Variants in MYO1D observed in about 807,000 individuals in gnomAD.
The protein encoded by MYO1D is myosin ID.
Under a neutral mutation model 122.0 loss-of-function variants are expected in MYO1D, and 83 were observed. That is an observed-to-expected ratio of 0.68 (90% CI 0.57 to 0.82). The LOEUF (loss-of-function observed/expected upper bound fraction) is 0.82, where lower values mean the gene tolerates loss of function less well. Ranked by LOEUF, MYO1D falls within the 40% of genes least tolerant of loss-of-function variation. The probability of loss-of-function intolerance (pLI) is 0.00; values close to 1 mark genes in which losing one functional copy is unlikely to be tolerated. For synonymous variants in MYO1D, 464 were observed against 446.9 expected, an observed-to-expected ratio of 1.04 and a Z score of -0.48; for missense variants, 1,157 against 1,269.5, an observed-to-expected ratio of 0.91 and a Z score of 1.35.
chr17:32,738,705 A>G (rs750562142), intron 13 of MYO1D, among the ~76,000 whole-genome samples: 2 of 152,226 alleles, frequency 1.3e-5, no homozygotes, highest in African/African-American at 2.4e-5. Context: ...TATATAAAAC[A>G]AATTCATTTT....
chr17:32,620,481 C>T (rs1311558172), intron 20 of MYO1D, among the ~76,000 whole-genome samples: 2 of 152,094 alleles, frequency 1.3e-5, no homozygotes, highest in East Asian at 3.9e-4. Context: ...GCTGGTGTTT[C>T]TGGATGGCGG....
intron 15 of MYO1D, among the ~76,000 whole-genome samples, chr17:32,713,693 T>A (rs1404249578): frequency 6.6e-6 from 1 of 152,160 alleles, no homozygotes; most frequent in Non-Finnish European, 1.5e-5. Flanking sequence ...AGTGGTGCGA[T>A]CTCAGCTCAC....
chr17:32,527,807 A>T (rs1378833998), intron 21 of MYO1D, among the ~76,000 whole-genome samples: 1 of 151,414 alleles, frequency 6.6e-6, no homozygotes, highest in Non-Finnish European at 1.5e-5. Flanking sequence ...AAATAAAACA[A>T]AACAATAAAA....
At chr17:32,628,070 A>G (rs2087951381) in intron 20 of MYO1D, among the ~76,000 whole-genome samples, 1 of 152,212 alleles carries the variant, frequency 6.6e-6, no homozygotes, top group Non-Finnish European at 1.5e-5. Flanking sequence ...ATTGCTAATT[A>G]TGTAGGCTAT....
chr17:32,619,089 T>C (rs1210367520), intron 20 of MYO1D, among the ~76,000 whole-genome samples: 1 of 152,176 alleles, frequency 6.6e-6, no homozygotes, highest in Non-Finnish European at 1.5e-5. Flanking sequence ...TTCAGTAGTT[T>C]CACGAAAAAT....
chr17:32,660,552 G>A (rs557447954), intron 16 of MYO1D, among the ~76,000 whole-genome samples: 5 of 152,180 alleles, frequency 3.3e-5, no homozygotes, highest in Non-Finnish European at 5.9e-5. Context: ...CCTGCTGCAC[G>A]ATACAGATTT....
At chr17:32,804,035 C>T (rs904909717) in intron 1 of MYO1D, among the ~76,000 whole-genome samples, 2 of 152,164 alleles carry the variant, frequency 1.3e-5, no homozygotes, top group Non-Finnish European at 2.9e-5. Flanking sequence ...GCAGTCATCC[C>T]TTGATACCAG....
At chr17:32,825,687 G>T (rs116521756) in intron 1 of MYO1D, among the ~76,000 whole-genome samples, 4 of 152,258 alleles carry the variant, frequency 2.6e-5, no homozygotes, top group African/African-American at 9.6e-5. Context: ...GTCGAATGCT[G>T]CTTCCTTAAC....
chr17:32,536,748 G>A (rs188174823), intron 21 of MYO1D, among the ~76,000 whole-genome samples: 12 of 152,252 alleles, frequency 7.9e-5, no homozygotes, highest in South Asian at 6.2e-4. Flanking sequence ...TCTGGGTCAC[G>A]GCTGTAGAAT....
intron 21 of MYO1D, among the ~76,000 whole-genome samples, chr17:32,530,224 C>G (rs1408295357): frequency 6.6e-6 from 1 of 152,190 alleles, no homozygotes; most frequent in Admixed American, 6.5e-5. Context: ...AATCACAGAA[C>G]CTCTCTAAGC....
intron 1 of MYO1D, among the ~76,000 whole-genome samples, chr17:32,862,669 G>GA (rs2091087898): frequency 6.6e-6 from 1 of 152,128 alleles, no homozygotes; most frequent in Admixed American, 6.5e-5. Flanking sequence ...TGAAAAAATG[G>GA]AAAACTTGTT....
chr17:32,714,894 A>T (rs1040408672), intron 15 of MYO1D, among the ~76,000 whole-genome samples: 43 of 152,186 alleles, frequency 2.8e-4, no homozygotes, highest in Non-Finnish European at 5.3e-4. Flanking sequence ...ATGGGAGAGA[A>T]TTTTTGCAAT....
intron 1 of MYO1D, among the ~76,000 whole-genome samples, chr17:32,871,984 AAGTGGTCATC>A (rs2151094014): frequency 6.6e-6 from 1 of 152,282 alleles, no homozygotes; most frequent in South Asian, 2.1e-4. Context: ...TTAGGGCTTC[AAGTGGTCATC>A]AGGGTTGCTG....
intron 13 of MYO1D, among the ~76,000 whole-genome samples, chr17:32,743,537 T>C (rs1452880752): frequency 6.6e-6 from 1 of 151,992 alleles, no homozygotes; most frequent in Non-Finnish European, 1.5e-5. Flanking sequence ...TTTCAAAATA[T>C]CACCCAATCT....
At chr17:32,763,781 G>T (rs187997962) in intron 8 of MYO1D, among the ~76,000 whole-genome samples, 2 of 152,082 alleles carry the variant, frequency 1.3e-5, no homozygotes, top group African/African-American at 2.4e-5. Context: ...TTAGCTGGGC[G>T]TGGTGGCACA....
At chr17:32,553,711 C>T (rs906073373) in intron 21 of MYO1D, among the ~76,000 whole-genome samples, 1 of 152,142 alleles carries the variant, frequency 6.6e-6, no homozygotes. Flanking sequence ...CTCCTCAACA[C>T]CCCTTTCCCA....
intron 20 of MYO1D, among the ~76,000 whole-genome samples, chr17:32,630,381 T>C (rs966057225): frequency 6.6e-6 from 1 of 152,184 alleles, no homozygotes; most frequent in Non-Finnish European, 1.5e-5. Context: ...GATTATGTGA[T>C]GATTGCACAA....
At chr17:32,555,159 C>T (rs1449572365) in intron 21 of MYO1D, among the ~76,000 whole-genome samples, 1 of 152,038 alleles carries the variant, frequency 6.6e-6, no homozygotes, top group Non-Finnish European at 1.5e-5. Flanking sequence ...CAGGGCTTGT[C>T]GAATAAATGT....
intron 16 of MYO1D, among the ~76,000 whole-genome samples, chr17:32,659,713 T>TA (rs1156798543): frequency 3.3e-5 from 5 of 152,232 alleles, no homozygotes; most frequent in African/African-American, 1.2e-4. Context: ...CATAAGCATC[T>TA]ATAGTTTTCT....
Sources: gnomAD v4.1 joint callset for allele counts (sites outside exome capture counted in the v4.1 genomes callset) on GRCh38, gnomAD v4.1.1 for gene constraint, MANE v1.5 for transcripts, NCBI Gene and HGNC (gene_info 2026-07-23, HGNC 2026-07-21) for gene names.